VAV3: variants seen among roughly 807,000 people sequenced by gnomAD.
VAV3 encodes the protein vav guanine nucleotide exchange factor 3, also known as guanine nucleotide exchange factor VAV3.
Under a neutral mutation model 131.2 loss-of-function variants are expected in VAV3, and 94 were observed. That is an observed-to-expected ratio of 0.72 (90% CI 0.61 to 0.85). VAV3 has a LOEUF of 0.85. Ranked by LOEUF, VAV3 falls within the 40% of genes least tolerant of loss-of-function variation. VAV3 has a pLI of 0.00. For synonymous variants in VAV3, 349 were observed against 342.0 expected (o/e 1.02, Z -0.22); for missense variants, 939 against 1,002.7 (o/e 0.94, Z 0.86).
chr1:107,644,060 A>G (rs940065352), intron 19 of VAV3, among the ~76,000 whole-genome samples: 15 of 152,190 alleles, frequency 9.9e-5, no homozygotes, highest in African/African-American at 3.6e-4. Context: ...ACCAGATGTT[A>G]TAAGGTCTCA....
At chr1:107,891,133 C>T (rs1010248291) in intron 1 of VAV3, among the ~76,000 whole-genome samples, 2 of 138,170 alleles carry the variant, frequency 1.4e-5, no homozygotes, top group African/African-American at 2.8e-5. Flanking sequence ...ACAATTATTG[C>T]TAGTGTCCCT....
chr1:107,760,109 T>C (rs1570910510), intron 10 of VAV3, among the ~76,000 whole-genome samples: 1 of 152,184 alleles, frequency 6.6e-6, no homozygotes, highest in Admixed American at 6.5e-5. Flanking sequence ...CGACGCAAAA[T>C]TGTATTTCAC....
In VAV3 at chr1:107,965,119, C is replaced by G. The variant is rs1169407488; in HGVS notation, c.-250G>C. The stretch of plus-strand genomic sequence containing the variant: ...GAGTCCCGCGCGCTCTCCGTGCGCC[C>G]CGGCCGGCTCGGCGGCGGCTGCCGC... On this transcript the variant is annotated 5_prime_UTR_variant, in exon 1 of 27. Coordinates refer to ENST00000370056, the MANE Select transcript of VAV3 (RefSeq NM_006113.5). 1.3e-5 allele frequency: 2 copies of G among 150,678 alleles called. No individual in the cohort carries two copies. Among genetic ancestry groups the G allele is most frequent in the Admixed American group, 6.7e-5 (1 of 14,920 alleles). The allele number at this position is 150,678 out of a possible 1,614,324, so 9.3% of individuals were successfully genotyped here.
chr1:107,927,604 G>A (rs1429303971), intron 1 of VAV3, among the ~76,000 whole-genome samples: 1 of 152,092 alleles, frequency 6.6e-6, no homozygotes, highest in East Asian at 1.9e-4. Context: ...GCTGTCTGAA[G>A]AGCCCTTGGC....
At chr1:107,640,023 A>C (rs1655223276) in intron 20 of VAV3, among the ~76,000 whole-genome samples, 1 of 152,190 alleles carries the variant, frequency 6.6e-6, no homozygotes, top group Non-Finnish European at 1.5e-5. Context: ...GGAGAAATGT[A>C]ACATGGTATA....
intron 2 of VAV3, among the ~76,000 whole-genome samples, chr1:107,821,517 C>G (rs1343108569): frequency 6.6e-6 from 1 of 152,110 alleles, no homozygotes; most frequent in Non-Finnish European, 1.5e-5. Context: ...ATGTGAAGAT[C>G]GTGAACAATC....
intron 1 of VAV3, among the ~76,000 whole-genome samples, chr1:107,894,205 T>C (rs189411598): frequency 3.6e-4 from 55 of 152,376 alleles, no homozygotes; most frequent in African/African-American, 1.2e-3. Context: ...TAATGGTATA[T>C]GTTTATTAAT....
At chr1:107,715,381 A>G (rs552436194) in intron 15 of VAV3, among the ~76,000 whole-genome samples, 1 of 152,328 alleles carries the variant, frequency 6.6e-6, no homozygotes, top group African/African-American at 2.4e-5. Context: ...GTGGAAAGCT[A>G]GAGGCCTCAT....
At chr1:107,958,613 C>T (rs1248389841) in intron 1 of VAV3, among the ~76,000 whole-genome samples, 2 of 142,204 alleles carry the variant, frequency 1.4e-5, no homozygotes, top group Non-Finnish European at 3.0e-5. Context: ...TTTTAAAACA[C>T]TTTAAATTTT....
At chr1:107,739,075 G>C (rs549957248) in intron 15 of VAV3, among the ~76,000 whole-genome samples, 1 of 152,334 alleles carries the variant, frequency 6.6e-6, no homozygotes, top group South Asian at 2.1e-4. Context: ...CCAGGGTAAT[G>C]CTTATTTGCT....
intron 15 of VAV3, among the ~76,000 whole-genome samples, chr1:107,739,365 C>T (rs563799177): frequency 1.9e-4 from 29 of 152,310 alleles, no homozygotes; most frequent in African/African-American, 6.0e-4. Flanking sequence ...AGCACTGTCC[C>T]GTGTCCTACT....
chr1:107,958,687 T>A (rs1448758339), intron 1 of VAV3, among the ~76,000 whole-genome samples: 1 of 152,206 alleles, frequency 6.6e-6, no homozygotes, highest in Non-Finnish European at 1.5e-5. Flanking sequence ...TGCAGGTTTG[T>A]TACATAGGTA....
chr1:107,795,715 G>T (rs1161196444), intron 2 of VAV3, among the ~76,000 whole-genome samples: 1 of 152,232 alleles, frequency 6.6e-6, no homozygotes, highest in Non-Finnish European at 1.5e-5. Flanking sequence ...ATTTGCATAA[G>T]TCGTTAGGGC....
intron 15 of VAV3, among the ~76,000 whole-genome samples, chr1:107,748,371 C>T (rs1663487944): frequency 1.3e-5 from 2 of 152,250 alleles, no homozygotes; most frequent in South Asian, 4.1e-4. Flanking sequence ...TCTCAGAATG[C>T]CATTCCTTTT....
Position 107,728,594 on chromosome 1 carries a change from CGTATACGTATATGTATATGTATAT to C in VAV3, c.1502+20350_1502+20373del, listed in dbSNP as rs1325453774. Among the ~76,000 whole-genome samples, 8 of 69,262 alleles carry C rather than the reference CGTATACGTATATGTATATGTATAT, an allele frequency of 1.2e-4. No homozygotes were observed. In the Admixed American group the frequency reaches 1.2e-3, roughly 10 times the overall value. 45.4% of individuals were successfully genotyped at this position (69,262 alleles called of 152,430 possible). On this transcript the variant is annotated intron_variant, in intron 15 of 26. Transcript: ENST00000370056. ...CTTCATGAGGACAGTCATATGTATA[CGTATACGTATATGTATATGTATAT>C]GTATATGTATATGTATATGTATATG...
rs55725323 is a variant in VAV3, at chr1:107,728,600, CGTATATGTATATGTATAT to C, written c.1502+20350_1502+20367del. Among the ~76,000 whole-genome samples the C allele has an allele frequency of 1.6e-3, 222 of 136,960 alleles. 4 individuals carry two copies. Among genetic ancestry groups the C allele is most frequent in the African/African-American group, 4.5e-3 (162 of 36,116 alleles). 89.9% of individuals were successfully genotyped at this position (136,960 alleles called of 152,430 possible). The stretch of plus-strand genomic sequence containing the variant: ...GAGGACAGTCATATGTATACGTATA[CGTATATGTATATGTATAT>C]GTATATGTATATGTATATGTATATG... On this transcript the variant is annotated intron_variant, in intron 15 of 26. Transcript: ENST00000370056.
intron 19 of VAV3, among the ~76,000 whole-genome samples, chr1:107,648,780 T>TCTTA (rs1473772211): frequency 6.6e-6 from 1 of 152,046 alleles, no homozygotes; most frequent in African/African-American, 2.4e-5. Context: ...ATTTATAGAC[T>TCTTA]CTTAGTTCAG....
intron 20 of VAV3, among the ~76,000 whole-genome samples, chr1:107,633,105 T>C (rs796988415): frequency 4.6e-5 from 7 of 152,182 alleles, no homozygotes; most frequent in African/African-American, 1.7e-4. Flanking sequence ...CTGTGAGGAA[T>C]GAAGGAAATA....
rs1207630853 is a variant in VAV3, at chr1:107,705,056, T to C, written c.1508A>G (p.Asn503Ser). ...GGAGTCTGCATAGTCTGGTCTTATG[T>C]TAGACCTAAAAAAAGGAAAAAAATA... is the stretch of plus-strand genomic sequence containing the variant. ...WLEQFEMALSNIRPDYADSNF... is the reference protein window; with the variant it reads ...WLEQFEMALSSIRPDYADSNF... Residue 503 changes from asparagine (N) to serine (S), a missense_variant, in exon 16 of 27, where the codon AAC becomes AGC. Coordinates refer to ENST00000370056, the MANE Select transcript of VAV3 (RefSeq NM_006113.5). 6.2e-7 allele frequency: 1 copy of C among 1,604,450 alleles called. No individual in the cohort carries two copies. Among genetic ancestry groups the C allele is most frequent in the Admixed American group, 1.7e-5 (1 of 59,776 alleles).
Sources: gnomAD v4.1 joint callset for allele counts (sites outside exome capture counted in the v4.1 genomes callset) on GRCh38, gnomAD v4.1.1 for gene constraint, MANE v1.5 for transcripts, NCBI Gene and HGNC (gene_info 2026-07-23, HGNC 2026-07-21) for gene names.